Variants in GRM1 observed in about 807,000 individuals in gnomAD.
GRM1 encodes the protein glutamate metabotropic receptor 1.
A neutral mutation model predicts 90.9 loss-of-function variants in GRM1; 33 were observed. That is an observed-to-expected ratio of 0.36 (90% confidence interval 0.28 to 0.49). The LOEUF is 0.49. GRM1 is among the 20% of genes least tolerant of loss of function. The pLI, the probability that GRM1 is intolerant of heterozygous loss-of-function variation, is 0.99. For synonymous variants in GRM1, 700 were observed against 613.2 expected, an observed-to-expected ratio of 1.14 and a Z score of -2.09; for missense variants, 1,190 against 1,534.3, an observed-to-expected ratio of 0.78 and a Z score of 3.75.
At chr6:146,056,266 A>G (rs1227134804) in intron 1 of GRM1, among the ~76,000 whole-genome samples, 1 of 152,162 alleles carries the variant, frequency 6.6e-6, no homozygotes, top group Non-Finnish European at 1.5e-5. Flanking sequence ...CTACAAGGGT[A>G]ACTGTGCAAG....
intron 1 of GRM1, among the ~76,000 whole-genome samples, chr6:146,143,741 A>G (rs531398936): frequency 4.1e-4 from 62 of 152,360 alleles, no homozygotes; most frequent in African/African-American, 1.3e-3. Context: ...CTAAGCAGGT[A>G]CTTACTTTGA....
intron 1 of GRM1, among the ~76,000 whole-genome samples, chr6:146,127,600 G>C (rs1776244127): frequency 6.6e-6 from 1 of 152,116 alleles, no homozygotes; most frequent in African/African-American, 2.4e-5. Flanking sequence ...TCTCAGTTTA[G>C]CTGGGCATTC....
intron 5 of GRM1, 61 bp from the exon 6 acceptor site, chr6:146,386,829 C>A: frequency 1.5e-6 from 2 of 1,338,514 alleles, no homozygotes; most frequent in Non-Finnish European, 2.1e-6. Flanking sequence ...AAATCCTCAT[C>A]TGAAATAGAA....
At chr6:146,189,149 T>C (rs1778846001) in intron 2 of GRM1, among the ~76,000 whole-genome samples, 1 of 152,206 alleles carries the variant, frequency 6.6e-6, no homozygotes, top group Non-Finnish European at 1.5e-5. Flanking sequence ...TTCTTAATTG[T>C]TGATTTTTTC....
At chr6:146,345,712 ATCTGCCT>A (rs151331056) in intron 3 of GRM1, among the ~76,000 whole-genome samples, 4,476 of 152,264 alleles carry the variant, frequency 0.029, 200 homozygotes, top group African/African-American at 0.1. Flanking sequence ...ATGAGCATAG[ATCTGCCT>A]TCTGCCTTCT....
intron 2 of GRM1, among the ~76,000 whole-genome samples, chr6:146,196,327 G>A (rs1205754775): frequency 6.9e-6 from 1 of 144,260 alleles, no homozygotes; most frequent in East Asian, 2.0e-4. Flanking sequence ...GCTCTCTGTC[G>A]CCCAGGCTGG....
At chr6:146,054,822 AGAGG>A (rs1323444643) in intron 1 of GRM1, among the ~76,000 whole-genome samples, 1 of 152,090 alleles carries the variant, frequency 6.6e-6, no homozygotes, top group Admixed American at 6.6e-5. Context: ...ATTTTTCCCC[AGAGG>A]AAAAAACTAG....
chr6:146,366,262 C>T (rs1309843321), intron 5 of GRM1, among the ~76,000 whole-genome samples: 1 of 151,960 alleles, frequency 6.6e-6, no homozygotes, highest in Non-Finnish European at 1.5e-5. Context: ...TATTTTAAAA[C>T]ATGCACACAA....
At chr6:146,103,631 A>T (rs554511303) in intron 1 of GRM1, among the ~76,000 whole-genome samples, 2 of 152,154 alleles carry the variant, frequency 1.3e-5, no homozygotes, top group Admixed American at 6.5e-5. Context: ...AACTCCCACC[A>T]TGTAAAAGTT....
At chr6:146,328,707 A>AAT (rs1784483251) in intron 3 of GRM1, among the ~76,000 whole-genome samples, 1 of 152,150 alleles carries the variant, frequency 6.6e-6, no homozygotes, top group Non-Finnish European at 1.5e-5. Context: ...GATATTTGTC[A>AAT]TAAGGTTCCC....
chr6:146,369,255 G>T (rs1294276642), intron 5 of GRM1, among the ~76,000 whole-genome samples: 1 of 151,466 alleles, frequency 6.6e-6, no homozygotes, highest in Non-Finnish European at 1.5e-5. Context: ...TTAAAGCTGT[G>T]TCCACTTTGT....
intron 7 of GRM1, chr6:146,426,638 GA>G: frequency 7.3e-7 from 1 of 1,371,208 alleles, no homozygotes; most frequent in Non-Finnish European, 1.0e-6. Flanking sequence ...ACACTGCAGT[GA>G]ATGTGTAAGA....
At chr6:146,177,589 T>C (rs544553869) in intron 2 of GRM1, among the ~76,000 whole-genome samples, 2 of 152,264 alleles carry the variant, frequency 1.3e-5, no homozygotes, top group African/African-American at 4.8e-5. Context: ...AACTTATGAG[T>C]ACTGTTTTGG....
At chr6:146,104,382 G>A (rs1199610292) in intron 1 of GRM1, among the ~76,000 whole-genome samples, 1 of 152,088 alleles carries the variant, frequency 6.6e-6, no homozygotes, top group African/African-American at 2.4e-5. Context: ...GGAGCTTGCA[G>A]TGAGCCGAGA....
At chr6:146,072,888 T>C (rs1292350161) in intron 1 of GRM1, among the ~76,000 whole-genome samples, 1 of 152,068 alleles carries the variant, frequency 6.6e-6, no homozygotes, top group African/African-American at 2.4e-5. Flanking sequence ...GCCTGGGATA[T>C]GAAGATTAAT....
At chr6:146,361,774 A>G (rs1182009313) in intron 5 of GRM1, among the ~76,000 whole-genome samples, 1 of 152,226 alleles carries the variant, frequency 6.6e-6, no homozygotes, top group Non-Finnish European at 1.5e-5. Context: ...GCCAGCTCAA[A>G]GCTGTTATCA....
At position 146,357,810 on chromosome 6, in the gene GRM1, G is replaced by C. The variant is rs578186460; in HGVS notation, c.1602+116G>C. On this transcript the variant is annotated intron_variant, in intron 5 of 7. Transcript: ENST00000282753. ...TAACTGTCTAGAAAGGGTGTGCCAG[G>C]CTTACAGTTTTGGCTCTTGAGTTTA... 3.5e-6 allele frequency: 3 copies of C among 858,526 alleles called. No homozygotes were observed. In the South Asian group the frequency reaches 4.3e-5, roughly 12 times the overall value. 53.2% of individuals were successfully genotyped at this position (858,526 alleles called of 1,614,324 possible).
intron 3 of GRM1, among the ~76,000 whole-genome samples, chr6:146,333,248 G>T (rs971903005): frequency 3.9e-5 from 6 of 152,126 alleles, no homozygotes; most frequent in African/African-American, 1.4e-4. Flanking sequence ...TTACTGACAT[G>T]GGTACTCTGA....
intron 7 of GRM1, among the ~76,000 whole-genome samples, chr6:146,401,411 C>G (rs1174991918): frequency 6.6e-6 from 1 of 151,906 alleles, no homozygotes; most frequent in Non-Finnish European, 1.5e-5. Flanking sequence ...AGCAAACCAA[C>G]AGTGCCACGA....
Sources: gnomAD v4.1 joint callset for allele counts (sites outside exome capture counted in the v4.1 genomes callset) on GRCh38, gnomAD v4.1.1 for gene constraint, MANE v1.5 for transcripts, NCBI Gene and HGNC (gene_info 2026-07-23, HGNC 2026-07-21) for gene names.